The following PRELP variants were observed in gnomAD, a reference collection of about 807,000 sequenced individuals.
PRELP encodes the protein prolargin.
PRELP carries 16 observed loss-of-function variants against 22.8 expected under a neutral mutation model. The ratio of observed to expected loss-of-function variants is 0.70; its 90% CI spans 0.47 to 1.06. The LOEUF (loss-of-function observed/expected upper bound fraction) is 1.06, where lower values mean the gene tolerates loss of function less well. Among genes scored for constraint, PRELP ranks in the 50% least tolerant of loss-of-function variants. The pLI is 0.00. For missense variants in PRELP, 434 were observed against 485.2 expected (o/e 0.89, Z 0.99); for synonymous variants, 233 against 211.4 (o/e 1.10, Z -0.89).
intron 2 of PRELP, among the ~76,000 whole-genome samples, chr1:203,485,199 T>A (rs959113412): frequency 1.3e-5 from 2 of 151,592 alleles, no homozygotes; most frequent in Non-Finnish European, 2.9e-5. Flanking sequence ...GAAGACTGTA[T>A]AATTTTACCC....
rs545508338 is a variant in PRELP at position 203,486,338 on chromosome 1, G to A, written c.974-368G>A. On this transcript the variant is annotated intron_variant, in intron 2 of 2. Coordinates refer to ENST00000343110, the MANE Select transcript of PRELP (RefSeq NM_002725.4). Reference sequence around the variant, plus strand: ...GGGCACTATTACTATTCCCAGATTCGCCCACAAGCAGAATTTTGGCCTCCA... The same window carrying A: ...GGGCACTATTACTATTCCCAGATTCACCCACAAGCAGAATTTTGGCCTCCA... Among the ~76,000 whole-genome samples the A allele has an allele frequency of 3.9e-4, 60 of 152,026 alleles. 1 individual carries two copies. The South Asian group carries it at 8.7e-3, about 22-fold the overall frequency.
In PRELP at chr1:203,483,564, G is replaced by T; in HGVS notation, c.380G>T (p.Gly127Val). The change falls in exon 2 of 3, where the codon GGC (glycine) becomes GTC (valine). Residue 127 changes from glycine to valine, a missense_variant. Transcript: ENST00000343110. The surrounding 1 kb of genome is among the most constrained non-coding windows in gnomAD (Gnocchi z 4.4). ...GTGGAGTCCTTCCAGAATGCCACAGGCCTGCGATGGATTAACCTGGACAAC... is the reference window on the plus strand; with the variant it reads ...GTGGAGTCCTTCCAGAATGCCACAGTCCTGCGATGGATTAACCTGGACAAC... ...LPVESFQNATGLRWINLDNNR... is the reference protein window; with the variant it reads ...LPVESFQNATVLRWINLDNNR... The T allele has an allele frequency of 6.2e-7, 1 of 1,614,202 alleles. No individual in the cohort carries two copies. The highest frequency in any genetic ancestry group is 8.5e-7 in the Non-Finnish European group (1 of 1,180,042).
chr1:203,482,742 C>T (rs1248898840), intron 1 of PRELP, among the ~76,000 whole-genome samples: 2 of 151,860 alleles, frequency 1.3e-5, no homozygotes, highest in Non-Finnish European at 2.9e-5. Flanking sequence ...GGATTACAGG[C>T]ACCCGCCACC....
intron 1 of PRELP, among the ~76,000 whole-genome samples, chr1:203,480,833 A>G (rs984506577): frequency 2.0e-5 from 3 of 152,226 alleles, no homozygotes; most frequent in Non-Finnish European, 4.4e-5. Context: ...TCAGAGGACT[A>G]GTGAAAAGAT....
At position 203,484,168 on chromosome 1, in the gene PRELP, T is replaced by TGGGGGGG; in HGVS notation, c.973+14_973+15insGGGGGGG. ...ACAATAGCATCGAGAGTGAGTGGGG[T>TGGGGGGG]GGGCCGGGGCGGGGCCGAAGGCAAG... On this transcript the variant is annotated intron_variant, in intron 2 of 2. Coordinates refer to ENST00000343110, the MANE Select transcript of PRELP (RefSeq NM_002725.4). The TGGGGGGG allele has an allele frequency of 8.7e-6, 5 of 576,236 alleles. No individual in the cohort carries two copies. Among genetic ancestry groups the TGGGGGGG allele is most frequent in the Non-Finnish European group, 1.3e-5 (4 of 314,180 alleles). The allele number at this position is 576,236 out of a possible 1,614,324, so 35.7% of individuals were successfully genotyped here.
rs1661148677 is a variant in PRELP, at chr1:203,489,172, T to G, written c.*2291T>G. On this transcript the variant is annotated 3_prime_UTR_variant, in exon 3 of 3. Transcript: ENST00000343110. ...GGCCTGGATAAGAGCCCCTTCTGCA[T>G]CTTATTCACAGCTTGCAGCCTCAGC... 3 of 152,654 alleles carry G rather than the reference T, an allele frequency of 2.0e-5. No homozygotes were observed. The South Asian group carries it at 6.2e-4, about 32-fold the overall frequency. The allele number at this position is 152,654 out of a possible 1,614,324, so 9.5% of individuals were successfully genotyped here.
At chr1:203,479,172 C>CG (rs1558230489) in intron 1 of PRELP, among the ~76,000 whole-genome samples, 1 of 152,064 alleles carries the variant, frequency 6.6e-6, no homozygotes, top group East Asian at 1.9e-4. Context: ...GTTCAGAGTG[C>CG]GGCGTAACCC....
rs2102209568 is a variant in PRELP, at chr1:203,483,959, A to T, written c.775A>T (p.Asn259Tyr). 4 of 1,614,188 alleles carry T rather than the reference A, an allele frequency of 2.5e-6. 1 individual carries two copies. The highest frequency in any genetic ancestry group is 3.4e-6 in the Non-Finnish European group (4 of 1,180,044). The change falls in exon 2 of 3, where the codon AAC (asparagine) becomes TAC (tyrosine). Residue 259 changes from asparagine (N) to tyrosine (Y), a missense_variant. Physicochemically the swap from Asn to Tyr is moderately radical, Grantham distance 143 (BLOSUM62 -2). Coordinates refer to ENST00000343110, the MANE Select transcript of PRELP (RefSeq NM_002725.4). The surrounding 1 kb of genome is among the most constrained non-coding windows in gnomAD (Gnocchi z 4.4). ...CAGTAACAAGATTGAGACCATCCCT[A>T]ACGGATACTTCAAGAGCTTTCCCAA... ...LDSNKIETIP[N>Y]GYFKSFPNLA...
At position 203,486,839 on chromosome 1, in the gene PRELP, C is replaced by A. The variant is rs1278827954; in HGVS notation, c.1107C>A (p.Asp369Glu). ...ACTTGAAGCCGCCCATCCCGCTGGA[C>A]CTCATGATGTGCTTCCGCCTCCTGC... ...GNYLKPPIPL[D>E]LMMCFRLLQS... is the part of the protein sequence containing the mutation. The change falls in exon 3 of 3, where the codon GAC (aspartate) becomes GAA (glutamate). Residue 369 changes from aspartate to glutamate, a missense_variant. Asp to Glu is a conservative substitution (Grantham distance 45). Coordinates refer to ENST00000343110, the MANE Select transcript of PRELP (RefSeq NM_002725.4). The A allele has an allele frequency of 8.7e-6, 14 of 1,614,096 alleles. No homozygotes were observed. The highest frequency in any genetic ancestry group is 1.1e-5 in the Non-Finnish European group (13 of 1,180,040).
rs938063436 is a variant in PRELP at position 203,488,964 on chromosome 1, T to C, written c.*2083T>C. ...AGCTGGGTCCCTAACTTCAAGAAAT[T>C]CCCATTATGCTCCTTCTCACCTTTC... On this transcript the variant is annotated 3_prime_UTR_variant, in exon 3 of 3. Transcript: ENST00000343110. 1 of 152,346 alleles carries C rather than the reference T, an allele frequency of 6.6e-6. No individual in the cohort carries two copies. Among genetic ancestry groups the C allele is most frequent in the African/African-American group, 2.4e-5 (1 of 41,432 alleles). 9.4% of individuals were successfully genotyped at this position (152,346 alleles called of 1,614,324 possible). A position where few individuals can be genotyped will look rare whatever the true frequency, so the allele number is the denominator to read the frequency against.
In PRELP at chr1:203,490,885, T is replaced by C. The variant is rs1040439423; in HGVS notation, c.*4004T>C. 6 of 152,186 alleles carry C rather than the reference T, an allele frequency of 3.9e-5. No individual in the cohort carries two copies. The highest frequency in any genetic ancestry group is 7.3e-5 in the Non-Finnish European group (5 of 68,028). The allele number at this position is 152,186 out of a possible 1,614,324, so 9.4% of individuals were successfully genotyped here. A position where few individuals can be genotyped will look rare whatever the true frequency, so the allele number is the denominator to read the frequency against. ...CGCATTCAAGGATGGATAATATACA[T>C]AGCAGCACATCCTTGAGGAACTCAT... is the stretch of plus-strand genomic sequence containing the variant. On this transcript the variant is annotated 3_prime_UTR_variant, in exon 3 of 3. Coordinates refer to ENST00000343110, the MANE Select transcript of PRELP (RefSeq NM_002725.4).
chr1:203,483,486 C>T lies in PRELP; in HGVS notation c.302C>T (p.Pro101Leu), dbSNP rs768739689. 7.8e-5 allele frequency: 126 copies of T among 1,614,108 alleles called. No individual in the cohort carries two copies. The highest frequency in any genetic ancestry group is 6.7e-5 in the African/African-American group (5 of 74,946). ...AACCTGCGAAAGGTCCCTGTCATCC[C>T]GCCCCGCATCCATTACCTCTATCTC... ...SRNLRKVPVI[P>L]PRIHYLYLQN... The change falls in exon 2 of 3, where the codon CCG (proline) becomes CTG (leucine). Residue 101 changes from proline to leucine, a missense_variant. By Grantham distance (98) the Pro-to-Leu change is moderately conservative (BLOSUM62 -3). Coordinates refer to ENST00000343110, the MANE Select transcript of PRELP (RefSeq NM_002725.4). The surrounding 1 kb of genome is among the most constrained non-coding windows in gnomAD (Gnocchi z 4.4).
intron 1 of PRELP, among the ~76,000 whole-genome samples, chr1:203,482,804 A>G (rs1437579451): frequency 6.6e-6 from 1 of 151,050 alleles, no homozygotes; most frequent in Non-Finnish European, 1.5e-5. Context: ...TCACCGTGTT[A>G]GCCAGGATGG....
At chr1:203,480,518 G>A (rs1337050054) in intron 1 of PRELP, among the ~76,000 whole-genome samples, 5 of 152,202 alleles carry the variant, frequency 3.3e-5, no homozygotes, top group South Asian at 2.1e-4. Flanking sequence ...AGGACATCAC[G>A]GAGCACTGCC....
Position 203,483,831 on chromosome 1 carries a change from C to A in PRELP, c.647C>A (p.Thr216Asn). 6.2e-7 allele frequency: 1 copy of A among 1,614,112 alleles called. No homozygotes were observed. The highest frequency in any genetic ancestry group is 2.2e-5 in the East Asian group (1 of 44,878). Residue 216 changes from threonine to asparagine, a missense_variant, in exon 2 of 3, where the codon ACC (threonine) becomes AAC (asparagine). Coordinates refer to ENST00000343110, the MANE Select transcript of PRELP (RefSeq NM_002725.4). This position sits in a 1 kb window ranked among gnomAD's most constrained non-coding sequence, Gnocchi z 4.4. Reference sequence around the variant, plus strand: ...AGCGACGGCGTCTTCAAGCCCGACACCTTCCATGGCCTCAAGAACCTCATG... The same window carrying A: ...AGCGACGGCGTCTTCAAGCCCGACAACTTCCATGGCCTCAAGAACCTCATG... ...RLSDGVFKPDTFHGLKNLMQL... is the reference protein window; with the variant it reads ...RLSDGVFKPDNFHGLKNLMQL...
Position 203,483,479 on chromosome 1 carries a change from G to T in PRELP, c.295G>T (p.Val99Phe). The change falls in exon 2 of 3, where the codon GTC (valine) becomes TTC (phenylalanine). Residue 99 changes from valine to phenylalanine, a missense_variant. Val to Phe is a conservative substitution (Grantham distance 50, BLOSUM62 -1). Coordinates refer to ENST00000343110, the MANE Select transcript of PRELP (RefSeq NM_002725.4). The surrounding 1 kb of genome is among the most constrained non-coding windows in gnomAD (Gnocchi z 4.4). Reference protein sequence around the residue: ...CDSRNLRKVPVIPPRIHYLYL... With the variant: ...CDSRNLRKVPFIPPRIHYLYL... ...TAGCCGCAACCTGCGAAAGGTCCCT[G>T]TCATCCCGCCCCGCATCCATTACCT... 6.2e-7 allele frequency: 1 copy of T among 1,614,146 alleles called. No individual in the cohort carries two copies.
At chr1:203,476,244 T>G (rs1660909553) in intron 1 of PRELP, among the ~76,000 whole-genome samples, 1 of 152,214 alleles carries the variant, frequency 6.6e-6, no homozygotes. Context: ...ATCAGGTGTT[T>G]CCATAGAAAC....
chr1:203,483,868 G>A lies in PRELP; in HGVS notation c.684G>A (p.Leu228=), dbSNP rs139420607. 4.8e-3 allele frequency: 7,677 copies of A among 1,614,164 alleles called. 18 individuals carry two copies. The highest frequency in any genetic ancestry group is 5.5e-3 in the Non-Finnish European group (6,444 of 1,180,032). The change falls in exon 2 of 3, where the codon CTG becomes CTA. Residue 228 remains leucine, a synonymous_variant. Coordinates refer to ENST00000343110, the MANE Select transcript of PRELP (RefSeq NM_002725.4). The surrounding 1 kb of genome is among the most constrained non-coding windows in gnomAD (Gnocchi z 4.4). ...TCAAGAACCTCATGCAGCTCAACCT[G>A]GCCCACAACATCCTGAGAAAGATGC... ...HGLKNLMQLN[L]AHNILRKMPP... is the part of the protein sequence containing the mutation.
chr1:203,478,428 C>T (rs1660947152), intron 1 of PRELP, among the ~76,000 whole-genome samples: 1 of 152,206 alleles, frequency 6.6e-6, no homozygotes, highest in South Asian at 2.1e-4. Flanking sequence ...AAACTAGTGG[C>T]CTGAGGCCAG....
Sources: allele counts gnomAD v4.1 joint callset (sites outside exome capture counted in the v4.1 genomes callset), GRCh38; gene constraint gnomAD v4.1.1; non-coding constraint Gnocchi (gnomAD v3.1); transcripts MANE v1.5; gene names NCBI Gene and HGNC (gene_info 2026-07-23, HGNC 2026-07-21).